The following PDCD2 variants were observed in gnomAD, a reference collection of about 807,000 sequenced individuals.
The protein encoded by PDCD2 is programmed cell death 2, also known as uS5 assembly chaperone PDCD2.
PDCD2 carries 38 observed loss-of-function variants against 38.1 expected under a neutral mutation model. The ratio of observed to expected loss-of-function variants is 1.00; its 90% CI spans 0.77 to 1.31. The LOEUF (loss-of-function observed/expected upper bound fraction) is 1.31, where lower values mean the gene tolerates loss of function less well. Among genes scored for constraint, PDCD2 ranks in the 50% most tolerant of loss-of-function variants. The probability of loss-of-function intolerance (pLI) is 0.00; values close to 1 mark genes in which losing one functional copy is unlikely to be tolerated. For synonymous variants in PDCD2, 205 were observed against 168.9 expected (o/e 1.21, Z -1.66); for missense variants, 473 against 435.7 (o/e 1.09, Z -0.76).
chr6:170,578,488 A>G (rs1264526529), intron 5 of PDCD2: 1 of 631,042 alleles, frequency 1.6e-6, no homozygotes, highest in East Asian at 2.7e-5. Flanking sequence ...CTCATAAAGT[A>G]TATAGTCAAA....
intron 3 of PDCD2, chr6:170,582,138 G>T: frequency 6.5e-7 from 1 of 1,533,666 alleles, no homozygotes; most frequent in South Asian, 1.2e-5. Context: ...GATGTCACGT[G>T]TTCCCATGGC....
At position 170,576,229 on chromosome 6, in the gene PDCD2, TATACAA is replaced by T. The variant is rs1362743748; in HGVS notation, c.*1324_*1329del. On this transcript the variant is annotated 3_prime_UTR_variant, in exon 6 of 6. Coordinates refer to ENST00000541970, the MANE Select transcript of PDCD2 (RefSeq NM_002598.4). ...CATATGGTGCTATGTATAACTATCT[TATACAA>T]TTAATACAAATTGCATATGTATACT... 1 of 152,250 alleles carries T rather than the reference TATACAA, an allele frequency of 6.6e-6. No individual in the cohort carries two copies. The highest frequency in any genetic ancestry group is 2.4e-5 in the African/African-American group (1 of 41,462). The allele number at this position is 152,250 out of a possible 1,614,324, so 9.4% of individuals were successfully genotyped here.
intron 4 of PDCD2, 129 bp downstream of exon 4, chr6:170,579,873 T>C (rs1779546034): frequency 1.6e-6 from 1 of 615,808 alleles, no homozygotes; most frequent in Non-Finnish European, 2.9e-6. Flanking sequence ...TCTAACAAGA[T>C]AACAAAAGCC....
intron 5 of PDCD2, 140 bp downstream of exon 5, chr6:170,578,717 G>GA (rs1779514471): frequency 1.4e-6 from 1 of 719,218 alleles, no homozygotes; most frequent in Admixed American, 2.0e-5. Flanking sequence ...GGTGAGGCAG[G>GA]AAACTGATGA....
intron 3 of PDCD2, among the ~76,000 whole-genome samples, chr6:170,580,627 G>C (rs1478398141): frequency 6.6e-6 from 1 of 152,078 alleles, no homozygotes; most frequent in Non-Finnish European, 1.5e-5. Flanking sequence ...AGGCAGGAGA[G>C]TCACTTGAAC....
intron 3 of PDCD2, 117 bp downstream of exon 3, chr6:170,582,940 A>G: frequency 1.3e-6 from 2 of 1,503,896 alleles, no homozygotes; most frequent in East Asian, 4.6e-5. Context: ...TGAAAATTGT[A>G]TGCTACAGCC....
At chr6:170,582,272 T>A in intron 3 of PDCD2, 1 of 1,495,298 alleles carries the variant, frequency 6.7e-7, no homozygotes, top group African/African-American at 1.4e-5. Flanking sequence ...ATCCCTGTTA[T>A]CAAGCACAAG....
intron 3 of PDCD2, chr6:170,582,312 T>G: frequency 6.5e-7 from 1 of 1,532,854 alleles, no homozygotes; most frequent in Non-Finnish European, 8.7e-7. Context: ...TCAAAACATG[T>G]TTTGGAATGT....
At position 170,584,552 on chromosome 6, in the gene PDCD2, C is replaced by T. The variant is rs1321754334; in HGVS notation, c.30G>A (p.Glu10=). ...CCGGCGCCGACTCGGCGAAGCCCAG[C>T]TCCACAGGCCTGGCCCCGGCGGCAG... MAAAGARPV[E]LGFAESAPAW... Residue 10 remains glutamate (E), a synonymous_variant, in exon 1 of 6, where the codon GAG becomes GAA. Transcript: ENST00000541970. The T allele has an allele frequency of 6.7e-6, 9 of 1,343,394 alleles. No homozygotes were observed. Among genetic ancestry groups the T allele is most frequent in the Non-Finnish European group, 8.6e-6 (9 of 1,050,456 alleles). 83.2% of individuals were successfully genotyped at this position (1,343,394 alleles called of 1,614,324 possible). A position where few individuals can be genotyped will look rare whatever the true frequency, so the allele number is the denominator to read the frequency against.
chr6:170,584,108 G>A, intron 1 of PDCD2, 191 bp downstream of exon 1: 1 of 570,684 alleles, frequency 1.8e-6, no homozygotes, highest in Non-Finnish European at 2.8e-6. Flanking sequence ...GGCACAGTTA[G>A]AAGCTTATGT....
intron 3 of PDCD2, chr6:170,582,587 C>T: frequency 1.5e-6 from 2 of 1,290,546 alleles, no homozygotes; most frequent in Non-Finnish European, 2.0e-6. Context: ...ATGTTGGCTA[C>T]TATAATAAAA....
chr6:170,578,857 C>T lies in PDCD2; in HGVS notation c.876G>A (p.Gln292=). 1 of 1,560,916 alleles carries T rather than the reference C, an allele frequency of 6.4e-7. No homozygotes were observed. The highest frequency in any genetic ancestry group is 8.8e-7 in the Non-Finnish European group (1 of 1,132,294). ...AAATGGTCCTTATTTAAGGTCATAC[C>T]TGGAATTCCAATATTCTCTTGGCAC... ...PCGAKRILEF[Q]VMPQLLNYLK... Residue 292 remains glutamine (Q), a splice_region_variant and synonymous_variant, in exon 5 of 6, where the codon CAG becomes CAA. Transcript: ENST00000541970.
At chr6:170,583,302 T>C (rs1779673685) in intron 2 of PDCD2, 114 bp from the exon 3 acceptor site, 2 of 933,292 alleles carry the variant, frequency 2.1e-6, no homozygotes, top group Non-Finnish European at 1.6e-6. Context: ...AGATAAAGGG[T>C]CATAAATTAA....
chr6:170,578,548 C>A, intron 5 of PDCD2: 1 of 689,454 alleles, frequency 1.5e-6, no homozygotes, highest in Admixed American at 2.1e-5. Context: ...TTTAAAATAA[C>A]AAAAGTTAAC....
chr6:170,582,829 A>G, intron 3 of PDCD2: 1 of 1,341,270 alleles, frequency 7.5e-7, no homozygotes, highest in Non-Finnish European at 9.5e-7. Context: ...TACTCATGGG[A>G]CCATCTGGAT....
intron 1 of PDCD2, 107 bp downstream of exon 1, chr6:170,584,192 G>C: frequency 8.4e-7 from 1 of 1,192,476 alleles, no homozygotes; most frequent in Non-Finnish European, 1.1e-6. Flanking sequence ...GAGCTCTGAG[G>C]CTGGGGCGGC....
At chr6:170,580,696 C>T (rs1466626702) in intron 3 of PDCD2, among the ~76,000 whole-genome samples, 1 of 151,866 alleles carries the variant, frequency 6.6e-6, no homozygotes, top group Admixed American at 6.6e-5. Flanking sequence ...GCCTGGGCGA[C>T]AGAGTGAGAC....
Position 170,584,587 on chromosome 6 carries a change from G to T in PDCD2, c.-6C>A. On this transcript the variant is annotated 5_prime_UTR_variant, in exon 1 of 6. Transcript: ENST00000541970. ...CTGGCCCCGGCGGCAGCCATGCGGG[G>T]CGCGGGCTGGCGTGGGGCGCAGCCC... The T allele has an allele frequency of 3.2e-6, 4 of 1,260,054 alleles. No homozygotes were observed. In the South Asian group the frequency reaches 8.5e-5, roughly 27 times the overall value. 78.1% of individuals were successfully genotyped at this position (1,260,054 alleles called of 1,614,324 possible). A position where few individuals can be genotyped will look rare whatever the true frequency, so the allele number is the denominator to read the frequency against.
At chr6:170,583,251 C>G in intron 2 of PDCD2, 63 bp from the exon 3 acceptor site, 1 of 1,240,874 alleles carries the variant, frequency 8.1e-7, no homozygotes, top group South Asian at 1.4e-5. Context: ...TAATAATTTG[C>G]TGTCTCTAAA....
Sources: gnomAD v4.1 joint callset for allele counts (sites outside exome capture counted in the v4.1 genomes callset) on GRCh38, gnomAD v4.1.1 for gene constraint, MANE v1.5 for transcripts, NCBI Gene and HGNC (gene_info 2026-07-23, HGNC 2026-07-21) for gene names.